The following STAG1 variants were observed in gnomAD, a reference collection of about 807,000 sequenced individuals.
The protein encoded by STAG1 is STAG1 cohesin complex component, also known as cohesin subunit SA-1.
STAG1 carries 26 observed loss-of-function variants against 170.9 expected under a neutral mutation model. The observed-to-expected ratio is 0.15, with a 90% confidence interval of 0.11 to 0.21. The LOEUF (loss-of-function observed/expected upper bound fraction) is 0.21. Ranked by LOEUF, STAG1 falls within the 10% of genes least tolerant of loss-of-function variation. The pLI is 1.00. For missense variants in STAG1, 964 were observed against 1,509.5 expected (o/e 0.64, Z 5.99); for synonymous variants, 514 against 497.7 (o/e 1.03, Z -0.44).
intron 1 of STAG1, chr3:136,736,571 G>A (rs1161433396): frequency 6.6e-7 from 1 of 1,514,166 alleles, no homozygotes; most frequent in African/African-American, 1.4e-5. Context: ...CCTTTGTATT[G>A]GCTTGGAAGT....
chr3:136,368,365 G>A (rs1201129379), intron 24 of STAG1, among the ~76,000 whole-genome samples: 1 of 152,058 alleles, frequency 6.6e-6, no homozygotes, highest in African/African-American at 2.4e-5. Flanking sequence ...TTATCATTCT[G>A]CAGGCATAGC....
intron 1 of STAG1, among the ~76,000 whole-genome samples, chr3:136,748,028 G>T (rs1264534781): frequency 2.0e-5 from 3 of 151,494 alleles, no homozygotes; most frequent in African/African-American, 7.2e-5. Flanking sequence ...ACCCACCTTG[G>T]CCTCCCAAAG....
At chr3:136,724,156 A>G (rs539732254) in intron 1 of STAG1, among the ~76,000 whole-genome samples, 1,648 of 141,526 alleles carry the variant, frequency 0.012, 29 homozygotes, top group East Asian at 0.049. Flanking sequence ...TTTGTGGAAT[A>G]GAGGAGGGGA....
At chr3:136,393,348 T>C (rs148525600) in intron 22 of STAG1, among the ~76,000 whole-genome samples, 158 of 152,182 alleles carry the variant, frequency 1.0e-3, no homozygotes, top group African/African-American at 3.3e-3. Flanking sequence ...TTTGTAAAAA[T>C]ACAAAAATTA....
chr3:136,510,206 T>A (rs1367076578), intron 7 of STAG1, among the ~76,000 whole-genome samples: 1 of 152,180 alleles, frequency 6.6e-6, no homozygotes, highest in Admixed American at 6.5e-5. Flanking sequence ...AATCCCCACA[T>A]GCCAAAGCGG....
intron 1 of STAG1, among the ~76,000 whole-genome samples, chr3:136,739,513 AAAAAAAG>A (rs1450211381): frequency 2.1e-4 from 31 of 149,236 alleles, no homozygotes; most frequent in African/African-American, 7.7e-4. Flanking sequence ...CAAAAAAAAA[AAAAAAAG>A]AAAAAAAAAA....
intron 16 of STAG1, among the ~76,000 whole-genome samples, chr3:136,423,927 G>A (rs1188466707): frequency 6.6e-6 from 1 of 151,482 alleles, no homozygotes; most frequent in African/African-American, 2.4e-5. Context: ...GCAGTGGCAC[G>A]ATCTCGGCTC....
intron 28 of STAG1, among the ~76,000 whole-genome samples, chr3:136,356,466 A>C (rs1417392482): frequency 6.6e-6 from 1 of 151,570 alleles, no homozygotes; most frequent in Non-Finnish European, 1.5e-5. Flanking sequence ...GTGCAGCCTC[A>C]AACTCCTGGG....
chr3:136,352,531 A>G (rs1487904065), intron 28 of STAG1, among the ~76,000 whole-genome samples: 1 of 152,184 alleles, frequency 6.6e-6, no homozygotes, highest in Non-Finnish European at 1.5e-5. Flanking sequence ...TACATTGATA[A>G]AAGAGCAAGC....
rs928561719 is a variant in STAG1 at position 136,347,801 on chromosome 3, G to T, written c.3271+1357C>A. Among the ~76,000 whole-genome samples, 44 of 152,270 alleles carry T rather than the reference G, an allele frequency of 2.9e-4. 1 individual carries two copies. Among genetic ancestry groups the T allele is most frequent in the African/African-American group, 1.0e-3 (43 of 41,566 alleles). ...CTCAGTACTGTGTGTATACTAAGTA[G>T]TTTATTTGTAGTATCTAATATTCAC... is the stretch of plus-strand genomic sequence containing the variant. On this transcript the variant is annotated intron_variant, in intron 29 of 33. Transcript: ENST00000383202.
chr3:136,487,208 T>C (rs1453460983), intron 9 of STAG1, among the ~76,000 whole-genome samples: 2 of 152,098 alleles, frequency 1.3e-5, no homozygotes, highest in Non-Finnish European at 2.9e-5. Context: ...CAGCTTCCAC[T>C]TATGAGTGAA....
At chr3:136,551,208 T>TGAGAGAGAGAGAGAGAGA (rs57609965) in intron 5 of STAG1, among the ~76,000 whole-genome samples, 7 of 44,496 alleles carry the variant, frequency 1.6e-4, no homozygotes, top group Non-Finnish European at 1.5e-4. Context: ...TGAGAGAGAG[T>TGAGAGAGAGAGAGAGAGA]GAGAGAGAGA....
chr3:136,428,034 T>C (rs2088184820), intron 16 of STAG1, among the ~76,000 whole-genome samples: 2 of 151,432 alleles, frequency 1.3e-5, no homozygotes, highest in Non-Finnish European at 2.9e-5. Context: ...AAGAAAAGGA[T>C]ATCTGCCTGC....
intron 7 of STAG1, among the ~76,000 whole-genome samples, chr3:136,519,208 A>G (rs1934536506): frequency 6.6e-6 from 1 of 152,148 alleles, no homozygotes; most frequent in African/African-American, 2.4e-5. Flanking sequence ...TCTATAATAT[A>G]GCACTCCTCT....
At chr3:136,527,480 A>C (rs1425339765) in intron 6 of STAG1, among the ~76,000 whole-genome samples, 1 of 152,082 alleles carries the variant, frequency 6.6e-6, no homozygotes, top group Non-Finnish European at 1.5e-5. Flanking sequence ...TGGTTATTCT[A>C]GTTAGCCATT....
At chr3:136,427,101 C>T (rs948982344) in intron 16 of STAG1, among the ~76,000 whole-genome samples, 1 of 149,388 alleles carries the variant, frequency 6.7e-6, no homozygotes, top group African/African-American at 2.5e-5. Flanking sequence ...TGGTGGCAAG[C>T]GCATGTAATC....
At chr3:136,677,144 C>T (rs920686903) in intron 1 of STAG1, among the ~76,000 whole-genome samples, 3 of 152,230 alleles carry the variant, frequency 2.0e-5, no homozygotes, top group African/African-American at 7.2e-5. Flanking sequence ...AAGTATAGTA[C>T]AATAAATATA....
At chr3:136,575,641 G>C (rs1937428431) in intron 4 of STAG1, among the ~76,000 whole-genome samples, 1 of 152,200 alleles carries the variant, frequency 6.6e-6, no homozygotes, top group African/African-American at 2.4e-5. Context: ...TATAGCTTTA[G>C]AACATCTGAA....
intron 3 of STAG1, among the ~76,000 whole-genome samples, chr3:136,606,156 T>C (rs1043412496): frequency 1.8e-4 from 27 of 152,134 alleles, no homozygotes; most frequent in African/African-American, 6.0e-4. Flanking sequence ...AATAAACCAA[T>C]ACTGATACAC....
Sources: allele counts gnomAD v4.1 joint callset (sites outside exome capture counted in the v4.1 genomes callset), GRCh38; gene constraint gnomAD v4.1.1; transcripts MANE v1.5; gene names NCBI Gene and HGNC (gene_info 2026-07-23, HGNC 2026-07-21).